The following NTM variants were observed in gnomAD, a reference collection of about 807,000 sequenced individuals.
NTM encodes the protein IgLON family member 2.
Under a neutral mutation model 42.1 loss-of-function variants are expected in NTM, and 13 were observed. That is an observed-to-expected ratio of 0.31 (90% CI 0.20 to 0.49). NTM has a LOEUF of 0.49. Ranked by LOEUF, NTM falls within the 20% of genes least tolerant of loss-of-function variation. The pLI is 0.99. For missense variants in NTM, 373 were observed against 452.8 expected (o/e 0.82, Z 1.60); for synonymous variants, 187 against 179.2 (o/e 1.04, Z -0.35).
intron 2 of NTM, among the ~76,000 whole-genome samples, chr11:131,970,518 C>T (rs2063391709): frequency 6.6e-6 from 1 of 152,232 alleles, no homozygotes. Context: ...GCTCCCCATT[C>T]CTTCCTAGGA....
At chr11:131,604,260 G>A (rs2060735563) in intron 1 of NTM, among the ~76,000 whole-genome samples, 1 of 151,992 alleles carries the variant, frequency 6.6e-6, no homozygotes, top group African/African-American at 2.4e-5. Context: ...GTTTTGATTT[G>A]CATTTCCCTA....
intron 1 of NTM, among the ~76,000 whole-genome samples, chr11:131,736,084 C>T (rs1401918675): frequency 4.6e-5 from 7 of 152,100 alleles, no homozygotes; most frequent in Non-Finnish European, 5.9e-5. Context: ...CCTCCCGTCT[C>T]AGTTTCCCAA....
At chr11:131,814,482 T>G (rs1297420292) in intron 1 of NTM, among the ~76,000 whole-genome samples, 3 of 152,194 alleles carry the variant, frequency 2.0e-5, no homozygotes, top group Non-Finnish European at 2.9e-5. Context: ...TTCTGGAACC[T>G]TTCCATACGG....
intron 2 of NTM, among the ~76,000 whole-genome samples, chr11:131,996,709 T>C (rs2068103645): frequency 6.6e-6 from 1 of 152,114 alleles, no homozygotes; most frequent in Non-Finnish European, 1.5e-5. Context: ...TACCCGCCAC[T>C]CTTCAAGGTT....
chr11:131,602,631 A>G (rs2060588233), intron 1 of NTM, among the ~76,000 whole-genome samples: 1 of 152,144 alleles, frequency 6.6e-6, no homozygotes, highest in Admixed American at 6.5e-5. Flanking sequence ...AATGACTCTC[A>G]AATTTATATC....
At chr11:132,280,378 C>A (rs908453114) in intron 4 of NTM, among the ~76,000 whole-genome samples, 7 of 151,778 alleles carry the variant, frequency 4.6e-5, no homozygotes, top group African/African-American at 7.3e-5. Context: ...GCCTAGGGTG[C>A]ACCAGCTCTT....
At chr11:132,301,522 CTCTG>C (rs1266461184) in intron 4 of NTM, among the ~76,000 whole-genome samples, 4 of 152,218 alleles carry the variant, frequency 2.6e-5, no homozygotes, top group Non-Finnish European at 5.9e-5. Flanking sequence ...GGAGTCTCAC[CTCTG>C]TCTGTCTTAT....
chr11:131,489,517 T>C (rs1366176561), intron 1 of NTM, among the ~76,000 whole-genome samples: 3 of 152,232 alleles, frequency 2.0e-5, no homozygotes, highest in African/African-American at 7.2e-5. Context: ...AGGACTTCTT[T>C]TGTCTGACTT....
chr11:131,682,911 C>A (rs555098319), intron 1 of NTM, among the ~76,000 whole-genome samples: 3 of 152,082 alleles, frequency 2.0e-5, no homozygotes, highest in Non-Finnish European at 4.4e-5. Flanking sequence ...ACCTACCAGC[C>A]GGGACTGAGA....
At chr11:132,319,268 G>A (rs889563616) in intron 7 of NTM, among the ~76,000 whole-genome samples, 3 of 152,118 alleles carry the variant, frequency 2.0e-5, no homozygotes, top group African/African-American at 4.8e-5. Context: ...CCAGACAGTA[G>A]GTGCAGGACA....
intron 1 of NTM, among the ~76,000 whole-genome samples, chr11:131,440,296 T>C (rs1412588706): frequency 1.3e-5 from 2 of 151,984 alleles, no homozygotes; most frequent in African/African-American, 4.8e-5. Context: ...AAAAGCCCTT[T>C]GGAAGCTCTA....
intron 2 of NTM, among the ~76,000 whole-genome samples, chr11:132,053,825 TTGG>T (rs2079197119): frequency 6.6e-6 from 1 of 152,206 alleles, no homozygotes; most frequent in Admixed American, 6.5e-5. Context: ...ATTACCCTAA[TTGG>T]TGGGTTTCCT....
intron 1 of NTM, among the ~76,000 whole-genome samples, chr11:131,509,060 AG>A (rs2047903884): frequency 6.6e-6 from 1 of 152,176 alleles, no homozygotes; most frequent in African/African-American, 2.4e-5. Flanking sequence ...ATAATAAAAA[AG>A]AAATTTGCTC....
At chr11:131,867,223 G>A (rs776000874) in intron 1 of NTM, among the ~76,000 whole-genome samples, 2 of 152,232 alleles carry the variant, frequency 1.3e-5, no homozygotes, top group Non-Finnish European at 2.9e-5. Context: ...TACACATCCA[G>A]CCTGCCAGAG....
At chr11:131,754,565 C>A (rs1296788945) in intron 1 of NTM, among the ~76,000 whole-genome samples, 1 of 150,986 alleles carries the variant, frequency 6.6e-6, no homozygotes, top group Non-Finnish European at 1.5e-5. Flanking sequence ...ACAGAGGTTG[C>A]AGTGAGCCGA....
chr11:131,660,914 T>A (rs1161955297), intron 1 of NTM: 1 of 1,296,172 alleles, frequency 7.7e-7, no homozygotes, highest in East Asian at 5.6e-5. Flanking sequence ...CTTTCTCTTC[T>A]GTCTCTTTTT....
intron 1 of NTM, among the ~76,000 whole-genome samples, chr11:131,681,587 A>G (rs1157335877): frequency 7.9e-4 from 16 of 20,206 alleles, no homozygotes; most frequent in Admixed American, 9.7e-4. Context: ...CTCCCTGTGT[A>G]TGTGAGCTTG....
In NTM at chr11:131,734,520, A is replaced by G. The variant is rs550193802; in HGVS notation, c.83-177044A>G. ...GTAGAGGAACCCAGATATAAATAAG[A>G]CACAGCCCCTGCCGAGAGGGGTGAG... On this transcript the variant is annotated intron_variant, in intron 1 of 8. Transcript: ENST00000683400. Among the ~76,000 whole-genome samples the G allele has an allele frequency of 1.5e-3, 225 of 152,282 alleles. 1 individual carries two copies. Among genetic ancestry groups the G allele is most frequent in the Non-Finnish European group, 2.5e-3 (169 of 68,018 alleles).
At chr11:132,226,480 A>T (rs576585434) in intron 4 of NTM, among the ~76,000 whole-genome samples, 1 of 152,032 alleles carries the variant, frequency 6.6e-6, no homozygotes, top group Non-Finnish European at 1.5e-5. Flanking sequence ...GGTTTTTTTC[A>T]TATGTTTATT....
Sources: gnomAD v4.1 joint callset for allele counts (sites outside exome capture counted in the v4.1 genomes callset) on GRCh38, gnomAD v4.1.1 for gene constraint, MANE v1.5 for transcripts, NCBI Gene and HGNC (gene_info 2026-07-23, HGNC 2026-07-21) for gene names.